SPRTN: variants seen among roughly 807,000 people sequenced by gnomAD.
SPRTN encodes SprT-like N-terminal domain.
SPRTN carries 11 observed loss-of-function variants against 31.9 expected under a neutral mutation model. That is an observed-to-expected ratio of 0.34 (90% CI 0.22 to 0.57). SPRTN has a LOEUF of 0.57. Among genes scored for constraint, SPRTN ranks in the 20% least tolerant of loss-of-function variants. The pLI is 0.86. For synonymous variants in SPRTN, 185 were observed against 212.1 expected, an observed-to-expected ratio of 0.87 and a Z score of 1.11; for missense variants, 482 against 590.1, an observed-to-expected ratio of 0.82 and a Z score of 1.90.
chr1:231,344,718 T>TATAC (rs544640555), intron 2 of SPRTN: 284 of 330,174 alleles, frequency 8.6e-4, no homozygotes, highest in African/African-American at 5.7e-3. Flanking sequence ...GAAAAAGGTA[T>TATAC]GTCTTTGAAG....
intron 2 of SPRTN, among the ~76,000 whole-genome samples, chr1:231,341,466 CA>C (rs1686887617): frequency 6.6e-6 from 1 of 151,758 alleles, no homozygotes; most frequent in African/African-American, 2.4e-5. Context: ...TGTAAGTGCT[CA>C]AAAAGTTTTA....
At position 231,352,924 on chromosome 1, in the gene SPRTN, G is replaced by A. The variant is rs1687284308; in HGVS notation, c.1033G>A (p.Gly345Ser). The A allele has an allele frequency of 6.2e-7, 1 of 1,613,958 alleles. No homozygotes were observed. The stretch of plus-strand genomic sequence containing the variant: ...ATTTGCCAACCAAAAGGCTTTCAGA[G>A]GTGTGAATGGATCTCCAAGGATAAG... ...VSFANQKAFR[G>S]VNGSPRISVT... The change falls in exon 5 of 5, where the codon GGT becomes AGT. Residue 345 changes from glycine to serine, a missense_variant. This residue lies in a region of SPRTN where 325 missense variants were observed against 350.2 expected (regional missense o/e 0.93). Transcript: ENST00000295050.
At chr1:231,348,953 A>G (rs1687143739) in intron 3 of SPRTN, among the ~76,000 whole-genome samples, 1 of 152,192 alleles carries the variant, frequency 6.6e-6, no homozygotes, top group Non-Finnish European at 1.5e-5. Flanking sequence ...GAAAATGAAC[A>G]GTGCTCAACC....
chr1:231,353,010 A>T lies in SPRTN; in HGVS notation c.1119A>T (p.Ser373=). The change falls in exon 5 of 5, where the codon TCA becomes TCT. Residue 373 remains serine, a synonymous_variant. Transcript: ENST00000295050. ...CTTCTAGTTCTCAGAGAAGGGTTTCATCTTCTAAGATATCCCTAAGAAATT... is the reference window on the plus strand; with the variant it reads ...CTTCTAGTTCTCAGAGAAGGGTTTCTTCTTCTAAGATATCCCTAAGAAATT... ...SVSSSSQRRV[S]SSKISLRNSS... is the part of the protein sequence containing the mutation. 1 of 1,614,172 alleles carries T rather than the reference A, an allele frequency of 6.2e-7. No individual in the cohort carries two copies.
At chr1:231,352,440 C>T (rs1357000443) in intron 4 of SPRTN, 170 bp from the exon 5 acceptor site, 4 of 1,311,478 alleles carry the variant, frequency 3.0e-6, no homozygotes, top group Non-Finnish European at 3.9e-6. Flanking sequence ...TATCAGAACT[C>T]CTGAATTCTG....
At chr1:231,340,880 GCTT>G (rs1429942214) in intron 2 of SPRTN, among the ~76,000 whole-genome samples, 1 of 152,116 alleles carries the variant, frequency 6.6e-6, no homozygotes, top group Non-Finnish European at 1.5e-5. Context: ...GTTAAAACAT[GCTT>G]GGAGATGAGA....
chr1:231,341,254 A>G (rs1223524856), intron 2 of SPRTN, among the ~76,000 whole-genome samples: 2 of 152,062 alleles, frequency 1.3e-5, no homozygotes, highest in African/African-American at 2.4e-5. Flanking sequence ...TAATCATCCA[A>G]ACACTTAAAA....
intron 3 of SPRTN, among the ~76,000 whole-genome samples, chr1:231,349,151 T>A (rs1478787069): frequency 6.6e-6 from 1 of 150,954 alleles, no homozygotes; most frequent in Non-Finnish European, 1.5e-5. Context: ...AAAAAAAAAT[T>A]TTTTTTTTTA....
intron 3 of SPRTN, among the ~76,000 whole-genome samples, chr1:231,350,168 A>G (rs1687182918): frequency 1.3e-5 from 2 of 152,248 alleles, no homozygotes; most frequent in Non-Finnish European, 2.9e-5. Context: ...CATTCTTTGC[A>G]TGCTTACCAA....
chr1:231,352,927 G>A lies in SPRTN; in HGVS notation c.1036G>A (p.Val346Met). The A allele has an allele frequency of 6.2e-7, 1 of 1,614,142 alleles. No individual in the cohort carries two copies. The highest frequency in any genetic ancestry group is 1.1e-5 in the South Asian group (1 of 91,084). ...TGCCAACCAAAAGGCTTTCAGAGGT[G>A]TGAATGGATCTCCAAGGATAAGTGT... is the stretch of plus-strand genomic sequence containing the variant. ...SFANQKAFRGVNGSPRISVTV... is the reference protein window; with the variant it reads ...SFANQKAFRGMNGSPRISVTV... The change falls in exon 5 of 5, where the codon GTG becomes ATG. Residue 346 changes from valine (V) to methionine (M), a missense_variant. Val to Met is a conservative substitution (Grantham distance 21, BLOSUM62 1). Transcript: ENST00000295050.
chr1:231,338,334 C>G lies in SPRTN; in HGVS notation c.-50C>G, dbSNP rs944379841. The G allele has an allele frequency of 6.2e-7, 1 of 1,601,092 alleles. No homozygotes were observed. The highest frequency in any genetic ancestry group is 8.5e-7 in the Non-Finnish European group (1 of 1,172,062). On this transcript the variant is annotated 5_prime_UTR_variant, in exon 1 of 5. Coordinates refer to ENST00000295050, the MANE Select transcript of SPRTN (RefSeq NM_032018.7). ...TAGGCGGCTTGGGGTCGCGGCGTAA[C>G]TGGGGAGCCAGCCTGACGCCGGCGG...
intron 2 of SPRTN, 54 bp downstream of exon 2, chr1:231,339,922 A>G (rs1227385525): frequency 1.6e-5 from 25 of 1,541,484 alleles, no homozygotes; most frequent in Admixed American, 6.7e-5. Context: ...ATACTTGTCA[A>G]TGATTTAGAC....
Position 231,353,719 on chromosome 1 carries a change from G to C in SPRTN, c.*358G>C. On this transcript the variant is annotated 3_prime_UTR_variant, in exon 5 of 5. Transcript: ENST00000295050. Reference sequence around the variant, plus strand: ...TATGGGGAATCCTGTCAGGTGTTTGGTTATATTGACTATTTATTAATAGTA... The same window carrying C: ...TATGGGGAATCCTGTCAGGTGTTTGCTTATATTGACTATTTATTAATAGTA... The C allele has an allele frequency of 1.0e-6, 1 of 987,680 alleles. No individual in the cohort carries two copies. Among genetic ancestry groups the C allele is most frequent in the African/African-American group, 1.7e-5 (1 of 57,232 alleles). The allele number at this position is 987,680 out of a possible 1,614,324, so 61.2% of individuals were successfully genotyped here.
intron 3 of SPRTN, among the ~76,000 whole-genome samples, chr1:231,349,991 A>ATG (rs1195379554): frequency 3.9e-5 from 6 of 152,200 alleles, no homozygotes; most frequent in African/African-American, 1.4e-4. Flanking sequence ...CAGCCTGGGC[A>ATG]AACAGAGCAA....
intron 2 of SPRTN, chr1:231,340,076 C>T: frequency 2.3e-6 from 1 of 438,386 alleles, no homozygotes; most frequent in Non-Finnish European, 4.0e-6. Flanking sequence ...AAAAAGGCTT[C>T]TAGGGGCCGG....
At chr1:231,346,941 C>CAAA (rs3071944) in intron 2 of SPRTN, among the ~76,000 whole-genome samples, 146 of 148,876 alleles carry the variant, frequency 9.8e-4, no homozygotes, top group African/African-American at 2.6e-3. Flanking sequence ...GACCCTGTCT[C>CAAA]AAAAAAAAAA....
At chr1:231,339,500 A>C in intron 1 of SPRTN, 1 of 672,838 alleles carries the variant, frequency 1.5e-6, no homozygotes, top group South Asian at 1.5e-5. Context: ...CGTCTCTAGC[A>C]GGTGCCTGCA....
chr1:231,341,667 A>T (rs1270587908), intron 2 of SPRTN, among the ~76,000 whole-genome samples: 4 of 152,200 alleles, frequency 2.6e-5, no homozygotes, highest in African/African-American at 4.8e-5. Context: ...AAATTTTATG[A>T]GGCATAAATT....
intron 2 of SPRTN, 188 bp downstream of exon 2, chr1:231,340,056 A>AAAAAC: frequency 2.0e-6 from 1 of 501,348 alleles, no homozygotes; most frequent in Non-Finnish European, 3.5e-6. Context: ...GTAAAAAAAA[A>AAAAAC]AAAAACAAAA....
Sources: gnomAD v4.1 joint callset for allele counts (sites outside exome capture counted in the v4.1 genomes callset) on GRCh38, gnomAD v4.1.1 for gene constraint, gnomAD v4.1.1 regional missense constraint, MANE v1.5 for transcripts, NCBI Gene and HGNC (gene_info 2026-07-23, HGNC 2026-07-21) for gene names.